Variants in LRRC71 observed in about 807,000 individuals in gnomAD.
The protein encoded by LRRC71 is leucine-rich repeat-containing protein 71.
A neutral mutation model predicts 66.6 loss-of-function variants in LRRC71; 54 were observed. That is an observed-to-expected ratio of 0.81 (90% CI 0.65 to 1.02). The LOEUF (loss-of-function observed/expected upper bound fraction) is 1.02. Among genes scored for constraint, LRRC71 ranks in the 50% least tolerant of loss-of-function variants. The pLI is 0.00. For synonymous variants in LRRC71, 323 were observed against 303.9 expected (o/e 1.06, Z -0.65); for missense variants, 724 against 718.0 (o/e 1.01, Z -0.10).
chr1:156,931,764 A>G, intron 12 of LRRC71, 152 bp from the exon 13 acceptor site: 1 of 638,664 alleles, frequency 1.6e-6, no homozygotes, highest in Non-Finnish European at 2.7e-6. Context: ...TCTTGAGGGT[A>G]TGGGCTTATT....
chr1:156,928,372 T>C (rs917600535), intron 9 of LRRC71, among the ~76,000 whole-genome samples: 9 of 120,886 alleles, frequency 7.4e-5, no homozygotes, highest in Non-Finnish European at 1.2e-4. Flanking sequence ...CCTCTTCTTC[T>C]TCTTCTTCTT....
At chr1:156,934,512 T>C (rs767582362), downstream of LRRC71, among the ~76,000 whole-genome samples, 50 of 152,152 alleles carry the variant, frequency 3.3e-4, 1 homozygote, top group Non-Finnish European at 7.3e-5. Context: ...ACTGCTCCTT[T>C]ATATACACAT....
intron 11 of LRRC71, among the ~76,000 whole-genome samples, chr1:156,930,077 T>TC (rs1553189734): frequency 2.7e-5 from 1 of 36,742 alleles, no homozygotes; most frequent in African/African-American, 2.0e-4. Flanking sequence ...TCTTTCTTTC[T>TC]TTTCTTTCTT....
At position 156,927,752 on chromosome 1, in the gene LRRC71, C is replaced by T; in HGVS notation, c.842C>T (p.Ser281Phe). ...TCTTAGGGCCTCCGGCTGAACCGTT[C>T]CCTGCTCTGGCTGTCCCTGGCCCAC... ...YIADGLRLNR[S>F]LLWLSLAHNR... is the part of the protein sequence containing the mutation. The change falls in exon 8 of 15, where the codon TCC becomes TTC. Residue 281 changes from serine (S) to phenylalanine (F), a missense_variant. Physicochemically the swap from Ser to Phe is radical, Grantham distance 155. Transcript: ENST00000337428. 6.2e-7 allele frequency: 1 copy of T among 1,610,868 alleles called. No homozygotes were observed. Among genetic ancestry groups the T allele is most frequent in the Non-Finnish European group, 8.5e-7 (1 of 1,179,742 alleles).
chr1:156,935,959 AAGG>A (rs1195737235), downstream of LRRC71: 27 of 1,592,070 alleles, frequency 1.7e-5, no homozygotes, highest in African/African-American at 2.7e-5. Context: ...CCAGTCCCTG[AAGG>A]AGGAGTGGGG....
chr1:156,930,915 CCAGAGGCA>C (rs778605271), intron 12 of LRRC71, among the ~76,000 whole-genome samples: 22 of 152,326 alleles, frequency 1.4e-4, no homozygotes, highest in African/African-American at 4.6e-4. Context: ...CCCCAGAGGC[CCAGAGGCA>C]CAGAGGCCCT....
chr1:156,925,630 G>A (rs1173643742), intron 5 of LRRC71, among the ~76,000 whole-genome samples: 4 of 152,246 alleles, frequency 2.6e-5, no homozygotes, highest in Non-Finnish European at 4.4e-5. Context: ...GCAGGAGCAA[G>A]GCATGGGGCA....
the LRRC71 span, chr1:156,938,521 G>A: frequency 3.4e-5 from 55 of 1,610,584 alleles, no homozygotes; most frequent in Non-Finnish European, 3.8e-5. Context: ...CAGCTGCACC[G>A]ACACCACCAC....
chr1:156,934,479 T>G (rs537981872), downstream of LRRC71, among the ~76,000 whole-genome samples: 16 of 152,234 alleles, frequency 1.1e-4, no homozygotes, highest in South Asian at 2.9e-3. Flanking sequence ...GGGCAGCTCA[T>G]GAGACCTCTT....
downstream of LRRC71, among the ~76,000 whole-genome samples, chr1:156,937,954 C>T (rs766322202): frequency 5.9e-5 from 9 of 152,182 alleles, no homozygotes; most frequent in Non-Finnish European, 8.8e-5. Flanking sequence ...CTTGACCCAA[C>T]CAAGGGGTGT....
chr1:156,923,966 G>C lies in LRRC71; in HGVS notation c.178G>C (p.Gly60Arg). The C allele has an allele frequency of 6.5e-7, 1 of 1,527,004 alleles. No individual in the cohort carries two copies. Among genetic ancestry groups the C allele is most frequent in the Non-Finnish European group, 8.8e-7 (1 of 1,134,444 alleles). 94.6% of individuals were successfully genotyped at this position (1,527,004 alleles called of 1,614,324 possible). A position where few individuals can be genotyped will look rare whatever the true frequency, so the allele number is the denominator to read the frequency against. ...CCCCGCAGAGGAGTACCAGTGCTCC[G>C]GGGTCCTCGAGACCGACTTCGCCGA... is the stretch of plus-strand genomic sequence containing the variant. ...PKSPEEYQCS[G>R]VLETDFAELC... Residue 60 changes from glycine (G) to arginine (R), a missense_variant, in exon 2 of 15, where the codon GGG becomes CGG. Physicochemically the swap from Gly to Arg is moderately radical, Grantham distance 125. Transcript: ENST00000337428.
At chr1:156,936,494 AAAAATATAT>A (rs1348953782), downstream of LRRC71, among the ~76,000 whole-genome samples, 39 of 90,224 alleles carry the variant, frequency 4.3e-4, no homozygotes, top group African/African-American at 1.9e-3. Flanking sequence ...AAAAAAAAAA[AAAAATATAT>A]ATATATATAT....
chr1:156,936,497 A>AATATATATAT (rs1553192804), downstream of LRRC71, among the ~76,000 whole-genome samples: 172 of 33,880 alleles, frequency 5.1e-3, 1 homozygote, highest in East Asian at 0.015. Context: ...AAAAAAAAAA[A>AATATATATAT]ATATATATAT....
intron 9 of LRRC71, among the ~76,000 whole-genome samples, chr1:156,928,455 C>A (rs1383756698): frequency 2.8e-5 from 4 of 143,398 alleles, no homozygotes; most frequent in African/African-American, 8.0e-5. Context: ...TCCTCCTCTT[C>A]TTCTCCTTCT....
intron 1 of LRRC71, among the ~76,000 whole-genome samples, chr1:156,921,852 G>A (rs1282504239): frequency 1.3e-5 from 2 of 152,178 alleles, no homozygotes; most frequent in Non-Finnish European, 2.9e-5. Context: ...GGGACAGTGG[G>A]AGTTGGGATA....
intron 9 of LRRC71, among the ~76,000 whole-genome samples, chr1:156,928,563 C>CTTTTTTTTTTTTT (rs58180096): frequency 1.2e-5 from 1 of 80,244 alleles, no homozygotes. Context: ...CTTCTTCTTA[C>CTTTTTTTTTTTTT]TTTTTTTTTT....
At chr1:156,937,630 G>A (rs1029519690), downstream of LRRC71, 4 of 958,766 alleles carry the variant, frequency 4.2e-6, no homozygotes, top group African/African-American at 6.8e-5. Flanking sequence ...CAGAGAACGT[G>A]GGCCTTGCTC....
chr1:156,928,329 CTTTT>C (rs1038369278), intron 9 of LRRC71, among the ~76,000 whole-genome samples: 1 of 150,110 alleles, frequency 6.7e-6, no homozygotes, highest in Non-Finnish European at 1.5e-5. Context: ...CTTCTTCTTT[CTTTT>C]TTCTTTCTTC....
At chr1:156,938,345 G>T in the LRRC71 span, 3 of 1,413,930 alleles carry the variant, frequency 2.1e-6, no homozygotes, top group Non-Finnish European at 3.0e-6. Flanking sequence ...CATGGGCAGG[G>T]GTCCGACTCT....
Sources: allele counts gnomAD v4.1 joint callset (sites outside exome capture counted in the v4.1 genomes callset), GRCh38; gene constraint gnomAD v4.1.1; transcripts MANE v1.5; gene names NCBI Gene and HGNC (gene_info 2026-07-23, HGNC 2026-07-21).